FMN1: variants seen among roughly 807,000 people sequenced by gnomAD.
FMN1 encodes formin-1.
In FMN1, 110 loss-of-function variants were observed where a neutral mutation model predicts 132.4. The observed-to-expected ratio is 0.83, with a 90% CI of 0.71 to 0.97. The LOEUF is 0.97. Ranked by LOEUF, FMN1 falls within the 50% of genes least tolerant of loss-of-function variation. FMN1 has a pLI of 0.00. For missense variants in FMN1, 1,792 were observed against 1,705.3 expected, an observed-to-expected ratio of 1.05 and a Z score of -0.90; for synonymous variants, 722 against 651.7, an observed-to-expected ratio of 1.11 and a Z score of -1.64.
chr15:33,001,758 C>T (rs1258661124), intron 7 of FMN1, among the ~76,000 whole-genome samples: 3 of 147,266 alleles, frequency 2.0e-5, no homozygotes, highest in Non-Finnish European at 4.5e-5. Flanking sequence ...CTCACTCCCT[C>T]GCTCAGGCTG....
intron 19 of FMN1, among the ~76,000 whole-genome samples, chr15:32,783,979 A>G (rs2056763948): frequency 6.6e-6 from 1 of 152,118 alleles, no homozygotes; most frequent in Non-Finnish European, 1.5e-5. Context: ...TTCTTTTGAC[A>G]TTCAGTATTT....
rs116839785 is a variant in FMN1, at chr15:32,790,193, C to T, written c.4130+8611G>A. Among the ~76,000 whole-genome samples the T allele has an allele frequency of 8.6e-3, 1,317 of 152,310 alleles. 24 individuals carry two copies. The highest frequency in any genetic ancestry group is 0.03 in the African/African-American group (1,248 of 41,570). The stretch of plus-strand genomic sequence containing the variant: ...TCCCAGGAATAACACTGCATGATTC[C>T]TCCAAACGCATGTTCAGTCACCCAG... On this transcript the variant is annotated intron_variant, in intron 19 of 20. Transcript: ENST00000616417.
intron 19 of FMN1, among the ~76,000 whole-genome samples, chr15:32,796,694 GCAGA>G (rs1467340973): frequency 6.6e-6 from 1 of 152,142 alleles, no homozygotes; most frequent in East Asian, 1.9e-4. Flanking sequence ...AAAATCTTTA[GCAGA>G]CAGAGAACAC....
chr15:33,020,630 C>T (rs990615463), intron 6 of FMN1, among the ~76,000 whole-genome samples: 4 of 110,936 alleles, frequency 3.6e-5, no homozygotes, highest in Non-Finnish European at 7.5e-5. Context: ...AAGAGCGAAA[C>T]TCCGTCTCAA....
chr15:33,115,679 C>T lies in FMN1; in HGVS notation c.1868-26705G>A, dbSNP rs1411005679. Among the ~76,000 whole-genome samples the T allele has an allele frequency of 2.6e-5, 4 of 152,148 alleles. No homozygotes were observed. In the South Asian group the frequency reaches 6.2e-4, roughly 24 times the overall value. On this transcript the variant is annotated intron_variant, in intron 4 of 20. Coordinates refer to ENST00000616417, the MANE Select transcript of FMN1 (RefSeq NM_001277313.2). The stretch of plus-strand genomic sequence containing the variant: ...CAGGTAATTGTCTGGAAATTCTTGC[C>T]TGTTTCCTCTAAACCTGTTCTTCCT...
chr15:33,053,551 C>T (rs570705519), intron 6 of FMN1, among the ~76,000 whole-genome samples: 5 of 152,264 alleles, frequency 3.3e-5, no homozygotes, highest in South Asian at 4.1e-4. Context: ...ATTTTGGAGG[C>T]CAATAGCAAG....
intron 12 of FMN1, 102 bp downstream of exon 12, chr15:32,908,388 G>T (rs2060477117): frequency 2.7e-6 from 2 of 740,114 alleles, no homozygotes; most frequent in Non-Finnish European, 4.7e-6. Context: ...TTGTGATTTA[G>T]CTGGCTGCAC....
At chr15:32,934,927 C>CTT (rs71309472) in intron 9 of FMN1, among the ~76,000 whole-genome samples, 62 of 141,418 alleles carry the variant, frequency 4.4e-4, no homozygotes, top group Middle Eastern at 4.0e-3. Context: ...TTTTCTTTTT[C>CTT]TTTTTTTTTT....
At chr15:33,040,012 A>C (rs1270769909) in intron 6 of FMN1, among the ~76,000 whole-genome samples, 1 of 152,190 alleles carries the variant, frequency 6.6e-6, no homozygotes, top group Non-Finnish European at 1.5e-5. Context: ...AGCTGTCTAC[A>C]GTCCAAAGTG....
At chr15:33,126,991 C>G (rs902090204) in intron 4 of FMN1, among the ~76,000 whole-genome samples, 3 of 152,184 alleles carry the variant, frequency 2.0e-5, no homozygotes, top group African/African-American at 7.2e-5. Context: ...TTGCAAGATG[C>G]TGTCATGACT....
At chr15:33,132,301 C>G (rs1364335316) in intron 4 of FMN1, among the ~76,000 whole-genome samples, 1 of 152,176 alleles carries the variant, frequency 6.6e-6, no homozygotes, top group Non-Finnish European at 1.5e-5. Context: ...TTCAGCTTCT[C>G]TATAACCACA....
At chr15:33,079,373 G>A (rs1001110837) in intron 5 of FMN1, among the ~76,000 whole-genome samples, 4 of 152,206 alleles carry the variant, frequency 2.6e-5, no homozygotes, top group African/African-American at 9.6e-5. Context: ...TATAATCCCA[G>A]CACGCAGGAA....
intron 3 of FMN1, among the ~76,000 whole-genome samples, chr15:33,178,702 T>C (rs1965597950): frequency 6.6e-6 from 1 of 152,236 alleles, no homozygotes; most frequent in South Asian, 2.1e-4. Context: ...AGTCAATACC[T>C]GATAGATACA....
intron 7 of FMN1, among the ~76,000 whole-genome samples, chr15:32,976,308 T>C (rs981210953): frequency 1.3e-5 from 2 of 152,030 alleles, no homozygotes; most frequent in African/African-American, 2.4e-5. Context: ...AAAGTGAGGC[T>C]TGTGAGCACA....
intron 3 of FMN1, among the ~76,000 whole-genome samples, chr15:33,161,734 C>A (rs912990585): frequency 6.6e-6 from 1 of 151,960 alleles, no homozygotes; most frequent in Non-Finnish European, 1.5e-5. Flanking sequence ...CTGGCCAACA[C>A]GGTGAAACCC....
chr15:32,806,874 C>T (rs886420899), intron 17 of FMN1, among the ~76,000 whole-genome samples: 3 of 152,150 alleles, frequency 2.0e-5, no homozygotes, highest in Non-Finnish European at 2.9e-5. Flanking sequence ...CTTCCTACTA[C>T]CCCTCCACAC....
intron 7 of FMN1, among the ~76,000 whole-genome samples, chr15:32,982,524 T>G (rs2032761144): frequency 1.3e-5 from 2 of 152,194 alleles, no homozygotes; most frequent in African/African-American, 4.8e-5. Flanking sequence ...TGTATCAACT[T>G]GACTGACCCC....
chr15:32,901,760 C>A, intron 13 of FMN1, 151 bp downstream of exon 13: 2 of 554,132 alleles, frequency 3.6e-6, no homozygotes, highest in Middle Eastern at 2.9e-4. Flanking sequence ...CATACACACA[C>A]ACACGGGCAA....
At chr15:33,128,608 C>T (rs1052067319) in intron 4 of FMN1, among the ~76,000 whole-genome samples, 6 of 152,190 alleles carry the variant, frequency 3.9e-5, no homozygotes, top group East Asian at 1.9e-4. Flanking sequence ...AACATACCCG[C>T]GGACCTTTGC....
Sources: gnomAD v4.1 joint callset for allele counts (sites outside exome capture counted in the v4.1 genomes callset) on GRCh38, gnomAD v4.1.1 for gene constraint, MANE v1.5 for transcripts, NCBI Gene and HGNC (gene_info 2026-07-23, HGNC 2026-07-21) for gene names.